C10orf67: variants seen among roughly 807,000 people sequenced by gnomAD.
C10orf67 encodes the protein chromosome 10 open reading frame 67, also known as uncharacterized protein C10orf67, mitochondrial.
In C10orf67, 60 loss-of-function variants were observed where a neutral mutation model predicts 35.6. That is an observed-to-expected ratio of 1.68 (90% CI 1.37 to 2.09). C10orf67 has a LOEUF of 2.09. Ranked by LOEUF, C10orf67 falls within the 30% of genes most tolerant of loss-of-function variation. The pLI is 0.00. For missense variants in C10orf67, 474 were observed against 330.2 expected (o/e 1.44, Z -3.38); for synonymous variants, 167 against 115.8 (o/e 1.44, Z -2.84).
chr10:23,212,801 G>GAA (rs1027040967), intron 15 of C10orf67, among the ~76,000 whole-genome samples: 1 of 151,444 alleles, frequency 6.6e-6, no homozygotes, highest in Non-Finnish European at 1.5e-5. Context: ...GAGAGAGAGA[G>GAA]AGAGAGAGAG....
At chr10:23,252,575 C>A (rs1842483211) in intron 10 of C10orf67, among the ~76,000 whole-genome samples, 1 of 152,092 alleles carries the variant, frequency 6.6e-6, no homozygotes. Flanking sequence ...AGAAGGCAGA[C>A]TTGAGAGAAA....
chr10:23,272,367 T>C (rs979039203), intron 8 of C10orf67, among the ~76,000 whole-genome samples: 1 of 152,236 alleles, frequency 6.6e-6, no homozygotes, highest in African/African-American at 2.4e-5. Flanking sequence ...AACTTTTACA[T>C]GAGGTGTCAG....
At chr10:23,223,486 A>T (rs1403230571) in intron 15 of C10orf67, 112 bp downstream of exon 15, 1 of 673,448 alleles carries the variant, frequency 1.5e-6, no homozygotes, top group East Asian at 2.7e-5. Context: ...GAAAAAAGTC[A>T]TGCATTCACC....
At chr10:23,322,577 G>A in intron 2 of C10orf67, 40 bp from the exon 3 acceptor site, 2 of 1,410,208 alleles carry the variant, frequency 1.4e-6, no homozygotes, top group Non-Finnish European at 2.0e-6. Context: ...AGTAACACAG[G>A]AACAGAAAAC....
At chr10:23,226,761 A>G (rs1841753744) in intron 13 of C10orf67, among the ~76,000 whole-genome samples, 1 of 152,204 alleles carries the variant, frequency 6.6e-6, no homozygotes, top group Non-Finnish European at 1.5e-5. Context: ...AGGGGATATC[A>G]CCACCGATCC....
chr10:23,314,692 C>CT (rs1461475592), intron 4 of C10orf67, among the ~76,000 whole-genome samples: 2 of 151,964 alleles, frequency 1.3e-5, no homozygotes, highest in African/African-American at 4.8e-5. Flanking sequence ...GAAAAATCCA[C>CT]TTTTTTTTCA....
chr10:23,229,455 G>A (rs1420061191), intron 13 of C10orf67, among the ~76,000 whole-genome samples: 2 of 105,148 alleles, frequency 1.9e-5, no homozygotes, highest in Non-Finnish European at 3.7e-5. Flanking sequence ...AGGGGGGAGG[G>A]ATAGCATTAG....
At chr10:23,269,313 A>T (rs1220306749) in intron 8 of C10orf67, among the ~76,000 whole-genome samples, 2 of 152,226 alleles carry the variant, frequency 1.3e-5, no homozygotes, top group Non-Finnish European at 2.9e-5. Context: ...TATACTTTAC[A>T]TGAAATTGTC....
chr10:23,292,085 G>A (rs1337416011), intron 5 of C10orf67, among the ~76,000 whole-genome samples: 2 of 144,906 alleles, frequency 1.4e-5, no homozygotes, highest in Non-Finnish European at 3.0e-5. Flanking sequence ...TGCGTCTTTT[G>A]TTTAAATCTT....
At chr10:23,235,187 A>C (rs923030473) in intron 13 of C10orf67, among the ~76,000 whole-genome samples, 1 of 152,172 alleles carries the variant, frequency 6.6e-6, no homozygotes, top group African/African-American at 2.4e-5. Flanking sequence ...ACTCATACAT[A>C]GTCAATTGAT....
chr10:23,289,378 G>A (rs1588657660), intron 7 of C10orf67, among the ~76,000 whole-genome samples: 2 of 152,044 alleles, frequency 1.3e-5, no homozygotes, highest in East Asian at 3.9e-4. Context: ...TTTCCAGTCT[G>A]GCCTTGAACT....
intron 5 of C10orf67, among the ~76,000 whole-genome samples, chr10:23,297,707 T>C (rs1381389239): frequency 6.6e-6 from 1 of 152,224 alleles, no homozygotes; most frequent in East Asian, 1.9e-4. Flanking sequence ...TTGACAGTTA[T>C]GTTCTATCTT....
intron 10 of C10orf67, among the ~76,000 whole-genome samples, 189 bp from the exon 11 acceptor site, chr10:23,250,880 T>A (rs1323917067): frequency 6.6e-6 from 1 of 152,140 alleles, no homozygotes; most frequent in African/African-American, 2.4e-5. Flanking sequence ...GGAGGATGGC[T>A]TAAGCCTAGG....
At position 23,320,588 on chromosome 10, in the gene C10orf67, A is replaced by G. The variant is rs900535272; in HGVS notation, c.546+153T>C. Among the ~76,000 whole-genome samples, 7 of 152,216 alleles carry G rather than the reference A, an allele frequency of 4.6e-5. No individual in the cohort carries two copies. The South Asian group carries it at 8.3e-4, about 18-fold the overall frequency. ...TTATAATGTGAGCATAAACAGTCCT[A>G]GGCCTGATCCCTCTAAGGTGACCTG... On this transcript the variant is annotated intron_variant, in intron 4 of 15. Coordinates refer to ENST00000636213, the MANE Select transcript of C10orf67 (RefSeq NM_001371909.1).
chr10:23,243,500 A>G (rs750593044), intron 12 of C10orf67, among the ~76,000 whole-genome samples: 5 of 151,882 alleles, frequency 3.3e-5, no homozygotes, highest in Non-Finnish European at 7.4e-5. Flanking sequence ...CCTGACCAAC[A>G]TGGAGAAATC....
Position 23,239,719 on chromosome 10 carries a change from A to G in C10orf67, c.1434+10T>C, listed in dbSNP as rs1842132487. 1 of 645,688 alleles carries G rather than the reference A, an allele frequency of 1.5e-6. No homozygotes were observed. Among genetic ancestry groups the G allele is most frequent in the Non-Finnish European group, 3.0e-6 (1 of 333,506 alleles). 40.0% of individuals were successfully genotyped at this position (645,688 alleles called of 1,614,324 possible). A position where few individuals can be genotyped will look rare whatever the true frequency, so the allele number is the denominator to read the frequency against. ...GAGACAAACAGCATCTAAACATTAC[A>G]TGCACTTACAATATAATTGAAGGAT... is the stretch of plus-strand genomic sequence containing the variant. On this transcript the variant is annotated intron_variant, in intron 13 of 15. Transcript: ENST00000636213.
rs368368942 is a variant in C10orf67, at chr10:23,294,881, A to T, written c.703-3602T>A. On this transcript the variant is annotated intron_variant, in intron 5 of 15. Coordinates refer to ENST00000636213, the MANE Select transcript of C10orf67 (RefSeq NM_001371909.1). ...TCAGATGAAATTTCAAATAAAAAAG[A>T]TCATCTAGAACTTAAGGTTTTAGGA... Among the ~76,000 whole-genome samples, 24 of 152,362 alleles carry T rather than the reference A, an allele frequency of 1.6e-4. No homozygotes were observed. The South Asian group carries it at 5.0e-3, about 32-fold the overall frequency.
chr10:23,241,234 C>T (rs1029979302), intron 12 of C10orf67, among the ~76,000 whole-genome samples: 37 of 152,232 alleles, frequency 2.4e-4, no homozygotes, highest in Admixed American at 2.1e-3. Context: ...CAATGCCTTT[C>T]GCACTATTGT....
chr10:23,254,966 C>G (rs1842563404), intron 10 of C10orf67, among the ~76,000 whole-genome samples: 1 of 152,132 alleles, frequency 6.6e-6, no homozygotes, highest in African/African-American at 2.4e-5. Context: ...GTCTTTCTGA[C>G]TCATCATGAT....
Sources: gnomAD v4.1 joint callset for allele counts (sites outside exome capture counted in the v4.1 genomes callset) on GRCh38, gnomAD v4.1.1 for gene constraint, MANE v1.5 for transcripts, NCBI Gene and HGNC (gene_info 2026-07-23, HGNC 2026-07-21) for gene names.